The following NARS2 variants were observed in gnomAD, a reference collection of about 807,000 sequenced individuals.
NARS2 encodes the protein asparaginyl-tRNA synthetase 2, mitochondrial, also known as asparaginyl-tRNA synthetase.
Under a neutral mutation model 62.9 loss-of-function variants are expected in NARS2, and 60 were observed. The ratio of observed to expected loss-of-function variants is 0.95; its 90% CI spans 0.77 to 1.18. The LOEUF (loss-of-function observed/expected upper bound fraction) is 1.18, where lower values mean the gene tolerates loss of function less well. Among genes scored for constraint, NARS2 ranks in the 50% most tolerant of loss-of-function variants. The pLI, the probability that NARS2 is intolerant of heterozygous loss-of-function variation, is 0.00. For synonymous variants in NARS2, 196 were observed against 200.0 expected (o/e 0.98, Z 0.17); for missense variants, 619 against 576.4 (o/e 1.07, Z -0.76).
At chr11:78,446,741 A>G (rs1857774454) in intron 11 of NARS2, among the ~76,000 whole-genome samples, 1 of 152,226 alleles carries the variant, frequency 6.6e-6, no homozygotes, top group African/African-American at 2.4e-5. Context: ...TAAAACTACC[A>G]GAAATAAATA....
chr11:78,506,785 T>C (rs534910001), intron 6 of NARS2, among the ~76,000 whole-genome samples: 1 of 152,324 alleles, frequency 6.6e-6, no homozygotes, highest in Admixed American at 6.5e-5. Flanking sequence ...GCGATCCACC[T>C]GCCTCAGCCT....
intron 10 of NARS2, among the ~76,000 whole-genome samples, chr11:78,468,660 T>TGGGATTACAGGTGTGAG (rs1858736537): frequency 6.6e-6 from 1 of 152,042 alleles, no homozygotes; most frequent in African/African-American, 2.4e-5. Context: ...CGCCTCAGCC[T>TGGGATTACAGGTGTGAG]CCCAAAGTAC....
intron 1 of NARS2, among the ~76,000 whole-genome samples, chr11:78,572,893 T>TATAA (rs1856981942): frequency 3.3e-5 from 5 of 152,200 alleles, no homozygotes; most frequent in Admixed American, 3.3e-4. Context: ...TTTACACTTA[T>TATAA]AGCACATCTC....
chr11:78,436,913 T>C, intron 13 of NARS2, 99 bp from the exon 14 acceptor site: 1 of 1,236,678 alleles, frequency 8.1e-7, no homozygotes, highest in South Asian at 1.4e-5. Context: ...AATCATTTGT[T>C]ATTGTTTACC....
intron 3 of NARS2, among the ~76,000 whole-genome samples, chr11:78,567,371 C>T (rs775126256): frequency 8.5e-5 from 13 of 152,156 alleles, no homozygotes; most frequent in Non-Finnish European, 1.6e-4. Context: ...GCTCAAGATT[C>T]CATGACACAA....
chr11:78,476,637 C>T (rs1370126049), intron 9 of NARS2, among the ~76,000 whole-genome samples: 1 of 152,218 alleles, frequency 6.6e-6, no homozygotes, highest in Non-Finnish European at 1.5e-5. Context: ...ACCCTCTATT[C>T]ATCATCTTGC....
chr11:78,555,336 C>G (rs1856309990), intron 5 of NARS2: 2 of 152,150 alleles, frequency 1.3e-5, no homozygotes, highest in South Asian at 4.1e-4. Flanking sequence ...TGGTAGAACT[C>G]AGCTATGAAT....
chr11:78,485,356 A>C (rs896559003), intron 7 of NARS2, among the ~76,000 whole-genome samples: 1 of 152,126 alleles, frequency 6.6e-6, no homozygotes, highest in South Asian at 2.1e-4. Flanking sequence ...TACCTATGTA[A>C]CAAACCTGGA....
intron 10 of NARS2, among the ~76,000 whole-genome samples, chr11:78,466,400 G>A (rs1858624352): frequency 6.6e-6 from 1 of 151,648 alleles, no homozygotes; most frequent in South Asian, 2.1e-4. Context: ...CCACGTTATT[G>A]TTCCTAAGTC....
intron 5 of NARS2, among the ~76,000 whole-genome samples, chr11:78,547,276 A>C (rs1331868989): frequency 6.6e-6 from 1 of 152,216 alleles, no homozygotes; most frequent in Non-Finnish European, 1.5e-5. Context: ...GAAGAAAAAA[A>C]AAGAACTCAG....
rs1450278682 is a variant in NARS2, at chr11:78,566,275, G to C, written c.373-3C>G. ...TCTTTATATTTGATGGGGAAATCCT[G>C]CCAATAAATGAAAAGAACAAATTAG... On this transcript the variant is annotated splice_polypyrimidine_tract_variant and splice_region_variant and intron_variant, in intron 3 of 13. Transcript: ENST00000281038. 2 of 1,570,604 alleles carry C rather than the reference G, an allele frequency of 1.3e-6. No individual in the cohort carries two copies. The highest frequency in any genetic ancestry group is 2.3e-5 in the East Asian group (1 of 44,078).
At chr11:78,478,816 C>A in intron 7 of NARS2, 133 bp from the exon 8 acceptor site, 1 of 476,900 alleles carries the variant, frequency 2.1e-6, no homozygotes, top group Non-Finnish European at 3.6e-6. Flanking sequence ...CTTGAATGTA[C>A]CATGGAAAAT....
intron 6 of NARS2, among the ~76,000 whole-genome samples, chr11:78,501,425 G>C (rs1860278857): frequency 6.6e-6 from 1 of 152,206 alleles, no homozygotes; most frequent in Non-Finnish European, 1.5e-5. Flanking sequence ...CCCCTGAGAG[G>C]ATGTGAAGCC....
At chr11:78,490,067 T>C (rs1028525863) in intron 7 of NARS2, among the ~76,000 whole-genome samples, 1 of 152,144 alleles carries the variant, frequency 6.6e-6, no homozygotes, top group African/African-American at 2.4e-5. Context: ...AATGAAACTT[T>C]ACATTCATAT....
chr11:78,574,728 A>C lies in NARS2; in HGVS notation c.-240T>G, dbSNP rs1241956368. On this transcript the variant is annotated 5_prime_UTR_variant, in exon 1 of 14. Coordinates refer to ENST00000281038, the MANE Select transcript of NARS2 (RefSeq NM_024678.6). The stretch of plus-strand genomic sequence containing the variant: ...GGACAGGACACTAGGCAAACGCCAG[A>C]AAGAAACCACGTGCAGTTGGCAGCT... 1 of 492,344 alleles carries C rather than the reference A, an allele frequency of 2.0e-6. No individual in the cohort carries two copies. Among genetic ancestry groups the C allele is most frequent in the Non-Finnish European group, 3.6e-6 (1 of 279,934 alleles). The allele number at this position is 492,344 out of a possible 1,614,324, so 30.5% of individuals were successfully genotyped here. A position where few individuals can be genotyped will look rare whatever the true frequency, so the allele number is the denominator to read the frequency against.
chr11:78,544,936 C>T (rs143852809), intron 5 of NARS2, among the ~76,000 whole-genome samples: 1,583 of 151,632 alleles, frequency 0.01, 23 homozygotes, highest in African/African-American at 0.036. Context: ...GGTGAGATCG[C>T]GCCACTGCAC....
intron 11 of NARS2, among the ~76,000 whole-genome samples, chr11:78,454,638 T>A (rs552364041): frequency 2.0e-5 from 3 of 151,668 alleles, no homozygotes; most frequent in East Asian, 2.0e-4. Context: ...TTTTTTTTTT[T>A]AATGTAGCCT....
At chr11:78,440,420 T>C (rs1216080558) in intron 13 of NARS2, among the ~76,000 whole-genome samples, 1 of 152,054 alleles carries the variant, frequency 6.6e-6, no homozygotes, top group Non-Finnish European at 1.5e-5. Flanking sequence ...TCAAACTGTG[T>C]GACCTTGGCT....
intron 5 of NARS2, among the ~76,000 whole-genome samples, chr11:78,554,771 C>T (rs918275090): frequency 6.6e-6 from 1 of 152,110 alleles, no homozygotes; most frequent in African/African-American, 2.4e-5. Flanking sequence ...ATTTATCTTG[C>T]CTGACTGCTG....
Sources: gnomAD v4.1 joint callset for allele counts (sites outside exome capture counted in the v4.1 genomes callset) on GRCh38, gnomAD v4.1.1 for gene constraint, MANE v1.5 for transcripts, NCBI Gene and HGNC (gene_info 2026-07-23, HGNC 2026-07-21) for gene names.